Variants in PDCD2L observed in about 807,000 individuals in gnomAD.
The protein encoded by PDCD2L is uS5 assembly chaperone PDCD2L.
In PDCD2L, 44 loss-of-function variants were observed where a neutral mutation model predicts 40.4. The observed-to-expected ratio is 1.09, with a 90% confidence interval of 0.86 to 1.40. The LOEUF (loss-of-function observed/expected upper bound fraction) is 1.40. Ranked by LOEUF, PDCD2L falls within the 40% of genes most tolerant of loss-of-function variation. The pLI is 0.00. For synonymous variants in PDCD2L, 194 were observed against 174.6 expected (o/e 1.11, Z -0.88); for missense variants, 470 against 453.7 (o/e 1.04, Z -0.33).
Position 34,409,480 on chromosome 19 carries a change from G to T in PDCD2L, c.656G>T (p.Gly219Val). 6.2e-7 allele frequency: 1 copy of T among 1,614,066 alleles called. No individual in the cohort carries two copies. Among genetic ancestry groups the T allele is most frequent in the Non-Finnish European group, 8.5e-7 (1 of 1,180,026 alleles). Residue 219 changes from glycine (G) to valine (V), a missense_variant, in exon 4 of 7, where the codon GGC becomes GTC. Transcript: ENST00000246535. ...CTGAGGGACTATCAGCAGAGAGAAG[G>T]CATTGCCATGGATCAGTTGCTTTCC... ...SLLRDYQQREGIAMDQLLSQS... is the reference protein window; with the variant it reads ...SLLRDYQQREVIAMDQLLSQS...
chr19:34,404,861 C>A (rs199618298), intron 2 of PDCD2L, 46 bp downstream of exon 2: 47 of 1,606,788 alleles, frequency 2.9e-5, no homozygotes, highest in Non-Finnish European at 3.9e-5. Context: ...TCCTTTCCAG[C>A]GGGCTGGGGC....
In PDCD2L at chr19:34,409,172, C is replaced by G; in HGVS notation, c.348C>G (p.Asn116Lys). The G allele has an allele frequency of 6.2e-7, 1 of 1,608,732 alleles. No individual in the cohort carries two copies. Among genetic ancestry groups the G allele is most frequent in the East Asian group, 2.2e-5 (1 of 44,726 alleles). The part of the protein sequence containing the change: ...REAQDAQKQG[N>K]SLAAEDWCEG... ...GAGTATTTTTCCAGAAACAGGGAAA[C>G]AGCCTTGCAGCTGAGGACTGGTGTG... Residue 116 changes from asparagine to lysine, a missense_variant, in exon 4 of 7, where the codon AAC (asparagine) becomes AAG (lysine). Physicochemically the swap from Asn to Lys is moderately conservative, Grantham distance 94 (BLOSUM62 0). Transcript: ENST00000246535.
At chr19:34,411,398 C>G (rs2075102860) in intron 4 of PDCD2L, among the ~76,000 whole-genome samples, 1 of 149,512 alleles carries the variant, frequency 6.7e-6, no homozygotes, top group African/African-American at 2.4e-5. Context: ...CGCCACTTCA[C>G]CCAGCTAATT....
intron 3 of PDCD2L, among the ~76,000 whole-genome samples, chr19:34,408,019 C>T (rs1382268834): frequency 3.3e-5 from 5 of 151,498 alleles, no homozygotes; most frequent in Non-Finnish European, 2.9e-5. Flanking sequence ...GCCATTCTCC[C>T]ACGTCAGCCT....
At chr19:34,425,927 C>T in intron 6 of PDCD2L, 63 bp from the exon 7 acceptor site, 1 of 1,526,636 alleles carries the variant, frequency 6.6e-7, no homozygotes, top group Non-Finnish European at 8.9e-7. Flanking sequence ...AAAATCATTC[C>T]TTTTAGTAAC....
Position 34,404,399 on chromosome 19 carries a change from A to T in PDCD2L, c.-32A>T. 1 of 1,525,142 alleles carries T rather than the reference A, an allele frequency of 6.6e-7. No homozygotes were observed. Among genetic ancestry groups the T allele is most frequent in the Non-Finnish European group, 8.8e-7 (1 of 1,133,528 alleles). The allele number at this position is 1,525,142 out of a possible 1,614,324, so 94.5% of individuals were successfully genotyped here. On this transcript the variant is annotated 5_prime_UTR_variant, in exon 1 of 7. Transcript: ENST00000246535. ...TGCGCGTGCGCAGAGAGGCCGCCGTAGTTTGCGTTTTCACCTGGTCGCCCG... is the reference window on the plus strand; with the variant it reads ...TGCGCGTGCGCAGAGAGGCCGCCGTTGTTTGCGTTTTCACCTGGTCGCCCG...
chr19:34,409,439 T>A lies in PDCD2L; in HGVS notation c.615T>A (p.Asp205Glu). 1 of 1,614,194 alleles carries A rather than the reference T, an allele frequency of 6.2e-7. No individual in the cohort carries two copies. The highest frequency in any genetic ancestry group is 8.5e-7 in the Non-Finnish European group (1 of 1,180,032). Residue 205 changes from aspartate (D) to glutamate (E), a missense_variant, in exon 4 of 7, where the codon GAT (aspartate) becomes GAA (glutamate). Asp to Glu is a conservative substitution (Grantham distance 45). Coordinates refer to ENST00000246535, the MANE Select transcript of PDCD2L (RefSeq NM_032346.2). ...ATTACAGGGACTTTGTCAACCTGGATCATGCCCACAGCCTTCTGAGGGACT... is the reference window on the plus strand; with the variant it reads ...ATTACAGGGACTTTGTCAACCTGGAACATGCCCACAGCCTTCTGAGGGACT... The part of the protein sequence containing the change: ...EDDYRDFVNL[D>E]HAHSLLRDYQ...
intron 5 of PDCD2L, among the ~76,000 whole-genome samples, chr19:34,417,554 A>T (rs892601924): frequency 1.3e-5 from 2 of 151,530 alleles, no homozygotes; most frequent in African/African-American, 4.9e-5. Flanking sequence ...GTTGCAGTCG[A>T]CCGAGACTGC....
In PDCD2L at chr19:34,409,461, G is replaced by T. The variant is rs373032906; in HGVS notation, c.637G>T (p.Asp213Tyr). The change falls in exon 4 of 7, where the codon GAC becomes TAC. Residue 213 changes from aspartate to tyrosine, a missense_variant. Asp to Tyr is a radical substitution (Grantham distance 160). Transcript: ENST00000246535. ...GGATCATGCCCACAGCCTTCTGAGG[G>T]ACTATCAGCAGAGAGAAGGCATTGC... The part of the protein sequence containing the change: ...NLDHAHSLLR[D>Y]YQQREGIAMD... The T allele has an allele frequency of 1.9e-6, 3 of 1,614,054 alleles. No homozygotes were observed. In the African/African-American group the frequency reaches 4.0e-5, roughly 22 times the overall value.
intron 6 of PDCD2L, among the ~76,000 whole-genome samples, chr19:34,425,752 G>A (rs980456551): frequency 3.3e-5 from 5 of 152,070 alleles, no homozygotes; most frequent in Non-Finnish European, 7.4e-5. Context: ...AACACTTGCT[G>A]AAATTTTTGT....
chr19:34,404,888 G>T, intron 2 of PDCD2L, 42 bp from the exon 3 acceptor site: 1 of 1,612,444 alleles, frequency 6.2e-7, no homozygotes. Context: ...GCGGGCTGGA[G>T]TCGGGGTGCA....
intron 5 of PDCD2L, among the ~76,000 whole-genome samples, chr19:34,416,776 G>A (rs922266323): frequency 2.6e-5 from 4 of 152,112 alleles, no homozygotes; most frequent in African/African-American, 4.8e-5. Context: ...GAACAGTTAA[G>A]GAAATGAAGA....
At position 34,425,983 on chromosome 19, in the gene PDCD2L, T is replaced by C; in HGVS notation, c.947-7T>C. On this transcript the variant is annotated splice_region_variant and splice_polypyrimidine_tract_variant and intron_variant, in intron 6 of 6. Coordinates refer to ENST00000246535, the MANE Select transcript of PDCD2L (RefSeq NM_032346.2). ...TGCTGGAAGCCTGAATATGTGGTATTTTTCAGGTCTTTCTGTGGAATTTGG... is the reference window on the plus strand; with the variant it reads ...TGCTGGAAGCCTGAATATGTGGTATCTTTCAGGTCTTTCTGTGGAATTTGG... 6.2e-7 allele frequency: 1 copy of C among 1,609,640 alleles called. No individual in the cohort carries two copies. Among genetic ancestry groups the C allele is most frequent in the Non-Finnish European group, 8.5e-7 (1 of 1,178,462 alleles).
At chr19:34,412,892 C>A (rs2075110432) in intron 4 of PDCD2L, among the ~76,000 whole-genome samples, 1 of 151,954 alleles carries the variant, frequency 6.6e-6, no homozygotes, top group Non-Finnish European at 1.5e-5. Context: ...GTGCATGCCA[C>A]CATGCCCAGC....
At chr19:34,411,994 AT>A (rs1331618394) in intron 4 of PDCD2L, among the ~76,000 whole-genome samples, 12 of 141,602 alleles carry the variant, frequency 8.5e-5, no homozygotes, top group Non-Finnish European at 1.7e-4. Context: ...AAAATAAATA[AT>A]AAAATATATA....
chr19:34,417,051 T>C (rs1248230605), intron 5 of PDCD2L, among the ~76,000 whole-genome samples: 2 of 151,614 alleles, frequency 1.3e-5, no homozygotes, highest in South Asian at 2.1e-4. Context: ...GAGGTGGAGG[T>C]TGCAATCAGC....
intron 6 of PDCD2L, among the ~76,000 whole-genome samples, chr19:34,425,737 T>C (rs557110195): frequency 6.6e-6 from 1 of 152,338 alleles, no homozygotes. Flanking sequence ...TAGACAGTTA[T>C]AATGAACACT....
At chr19:34,413,585 C>CCTCGG (rs1192380360) in intron 4 of PDCD2L, 152 bp from the exon 5 acceptor site, 1 of 438,774 alleles carries the variant, frequency 2.3e-6, no homozygotes, top group African/African-American at 2.0e-5. Flanking sequence ...GATCTGCCTG[C>CCTCGG]CTCGGCCTCC....
At chr19:34,414,204 C>T (rs1207358062) in intron 5 of PDCD2L, among the ~76,000 whole-genome samples, 2 of 151,268 alleles carry the variant, frequency 1.3e-5, no homozygotes, top group Non-Finnish European at 2.9e-5. Flanking sequence ...GAGAGGGAGT[C>T]GCGCTCTGTC....
Sources: allele counts gnomAD v4.1 joint callset (sites outside exome capture counted in the v4.1 genomes callset), GRCh38; gene constraint gnomAD v4.1.1; transcripts MANE v1.5; gene names NCBI Gene and HGNC (gene_info 2026-07-23, HGNC 2026-07-21).